ATXN7L1: variants seen among roughly 807,000 people sequenced by gnomAD.
The protein encoded by ATXN7L1 is ataxin 7 like 1.
In ATXN7L1, 15 loss-of-function variants were observed where a neutral mutation model predicts 70.8. The ratio of observed to expected loss-of-function variants is 0.21; its 90% CI spans 0.14 to 0.33. ATXN7L1 has a LOEUF of 0.33. ATXN7L1 is among the 10% of genes least tolerant of loss of function. The pLI is 1.00. For missense variants in ATXN7L1, 975 were observed against 1,097.1 expected (o/e 0.89, Z 1.57); for synonymous variants, 440 against 445.1 (o/e 0.99, Z 0.14).
At chr7:105,861,766 A>G (rs1816680870) in intron 2 of ATXN7L1, among the ~76,000 whole-genome samples, 1 of 152,164 alleles carries the variant, frequency 6.6e-6, no homozygotes, top group South Asian at 2.1e-4. Context: ...GCTGGCAGAA[A>G]GGGCACAAAA....
At chr7:105,858,713 C>T (rs1338358465) in intron 2 of ATXN7L1, among the ~76,000 whole-genome samples, 1 of 152,116 alleles carries the variant, frequency 6.6e-6, no homozygotes, top group Admixed American at 6.6e-5. Flanking sequence ...TCACCTGGGA[C>T]ACATTTGCAC....
chr7:105,716,255 TA>T (rs1794530746), intron 3 of ATXN7L1, among the ~76,000 whole-genome samples: 1 of 152,178 alleles, frequency 6.6e-6, no homozygotes, highest in Admixed American at 6.5e-5. Flanking sequence ...TTTCATTATA[TA>T]AATGAAAATC....
chr7:105,761,054 GAATGAATTGTAGAGGAGCAA>G, intron 3 of ATXN7L1: 1 of 599,790 alleles, frequency 1.7e-6, no homozygotes. Context: ...TCTGCGTGCA[GAATGAATTGTAGAGGAGCAA>G]GAGTGGAAGC....
chr7:105,818,291 T>G (rs1809500089), intron 2 of ATXN7L1, among the ~76,000 whole-genome samples: 3 of 152,160 alleles, frequency 2.0e-5, no homozygotes, highest in African/African-American at 7.2e-5. Flanking sequence ...TGCCTCAGCC[T>G]CCTGAGTGGC....
At chr7:105,759,751 T>C (rs1470980373) in intron 3 of ATXN7L1, among the ~76,000 whole-genome samples, 1 of 152,178 alleles carries the variant, frequency 6.6e-6, no homozygotes, top group African/African-American at 2.4e-5. Context: ...AATAAATGTT[T>C]AGTGTATTTT....
chr7:105,714,818 A>G (rs1794343447), intron 3 of ATXN7L1, among the ~76,000 whole-genome samples: 1 of 152,168 alleles, frequency 6.6e-6, no homozygotes, highest in Admixed American at 6.5e-5. Context: ...GCCCACCAGC[A>G]AACACAGCTA....
intron 2 of ATXN7L1, among the ~76,000 whole-genome samples, chr7:105,832,202 A>G (rs2116589641): frequency 6.6e-6 from 1 of 152,340 alleles, no homozygotes; most frequent in South Asian, 2.1e-4. Flanking sequence ...ACTTGACATT[A>G]TAGAAGTAAA....
intron 2 of ATXN7L1, among the ~76,000 whole-genome samples, chr7:105,847,501 G>T (rs1173331919): frequency 6.6e-6 from 1 of 152,144 alleles, no homozygotes; most frequent in Non-Finnish European, 1.5e-5. Flanking sequence ...GTAAAATCAG[G>T]GCAGGGTTGA....
intron 2 of ATXN7L1, among the ~76,000 whole-genome samples, chr7:105,794,956 C>G (rs967458580): frequency 6.6e-5 from 10 of 152,218 alleles, no homozygotes; most frequent in Admixed American, 2.6e-4. Context: ...CCTTACTGAA[C>G]TTCTGGTACA....
At chr7:105,870,244 T>G (rs1231374528) in intron 2 of ATXN7L1, among the ~76,000 whole-genome samples, 1 of 147,320 alleles carries the variant, frequency 6.8e-6, no homozygotes, top group African/African-American at 2.5e-5. Flanking sequence ...ATCGCACCAC[T>G]GCACTCCAGC....
intron 3 of ATXN7L1, among the ~76,000 whole-genome samples, chr7:105,735,976 AG>A (rs745435173): frequency 6.6e-6 from 1 of 152,238 alleles, no homozygotes; most frequent in Non-Finnish European, 1.5e-5. Flanking sequence ...TAATGAAACA[AG>A]GGATTGAAAC....
At chr7:105,628,858 A>G (rs1796150215) in intron 7 of ATXN7L1, among the ~76,000 whole-genome samples, 1 of 152,024 alleles carries the variant, frequency 6.6e-6, no homozygotes, top group East Asian at 1.9e-4. Context: ...TATTTAAGGT[A>G]TACAATGTGA....
chr7:105,613,636 A>G, intron 10 of ATXN7L1: 4 of 1,408,104 alleles, frequency 2.8e-6, no homozygotes, highest in Non-Finnish European at 3.7e-6. Context: ...TCAGTGAGGT[A>G]ATAACCGTAA....
rs1804701065 is a variant in ATXN7L1 at position 105,788,814 on chromosome 7, A to T, written c.251-106T>A. 13 of 878,564 alleles carry T rather than the reference A, an allele frequency of 1.5e-5. No homozygotes were observed. The South Asian group carries it at 1.9e-4, about 13-fold the overall frequency. The allele number at this position is 878,564 out of a possible 1,614,324, so 54.4% of individuals were successfully genotyped here. A position where few individuals can be genotyped will look rare whatever the true frequency, so the allele number is the denominator to read the frequency against. On this transcript the variant is annotated intron_variant, in intron 2 of 11. Coordinates refer to ENST00000419735, the MANE Select transcript of ATXN7L1 (RefSeq NM_020725.2). Reference sequence around the variant, plus strand: ...TCAAGGACAGTTTTTCAAACACAACACGCAGAAAGGCAATAATCTTTACTA... The same window carrying T: ...TCAAGGACAGTTTTTCAAACACAACTCGCAGAAAGGCAATAATCTTTACTA...
chr7:105,614,957 G>A lies in ATXN7L1; in HGVS notation c.1518-141C>T. ...TATGGAGAATGGAGCCTTGAAGGAT[G>A]GGAGAATCTGAAGCATGGCCCCTCC... On this transcript the variant is annotated intron_variant, in intron 9 of 11. Transcript: ENST00000419735. This position sits in a 1 kb window ranked among gnomAD's most constrained non-coding sequence, Gnocchi z 4.3. The A allele has an allele frequency of 9.7e-7, 1 of 1,035,942 alleles. No individual in the cohort carries two copies. The highest frequency in any genetic ancestry group is 1.6e-5 in the African/African-American group (1 of 62,112). The allele number at this position is 1,035,942 out of a possible 1,614,324, so 64.2% of individuals were successfully genotyped here.
chr7:105,679,547 T>C (rs1316644467), intron 3 of ATXN7L1, among the ~76,000 whole-genome samples: 1 of 152,200 alleles, frequency 6.6e-6, no homozygotes, highest in Non-Finnish European at 1.5e-5. Context: ...TTATAATGAT[T>C]GGAAAATACT....
At chr7:105,859,340 G>T (rs1204362344) in intron 2 of ATXN7L1, among the ~76,000 whole-genome samples, 1 of 151,990 alleles carries the variant, frequency 6.6e-6, no homozygotes, top group African/African-American at 2.4e-5. Flanking sequence ...ATATTTAAAG[G>T]TGAAGTGTCG....
intron 4 of ATXN7L1, among the ~76,000 whole-genome samples, chr7:105,661,289 C>T (rs141189768): frequency 8.4e-4 from 128 of 152,140 alleles, no homozygotes; most frequent in African/African-American, 2.5e-3. Flanking sequence ...TAAAGATGGA[C>T]GGATGTTCTA....
At chr7:105,716,396 T>C (rs1563031608) in intron 3 of ATXN7L1, among the ~76,000 whole-genome samples, 2 of 152,168 alleles carry the variant, frequency 1.3e-5, no homozygotes, top group Non-Finnish European at 2.9e-5. Flanking sequence ...TGGAGACCTC[T>C]GCAAAGACAG....
Sources: gnomAD v4.1 joint callset for allele counts (sites outside exome capture counted in the v4.1 genomes callset) on GRCh38, gnomAD v4.1.1 for gene constraint, Gnocchi (gnomAD v3.1) non-coding constraint, MANE v1.5 for transcripts, NCBI Gene and HGNC (gene_info 2026-07-23, HGNC 2026-07-21) for gene names.